GABRA5: variants seen among roughly 807,000 people sequenced by gnomAD.
GABRA5 encodes the protein gamma-aminobutyric acid type A receptor subunit alpha5.
GABRA5 carries 18 observed loss-of-function variants against 47.3 expected under a neutral mutation model. The ratio of observed to expected loss-of-function variants is 0.38; its 90% CI spans 0.26 to 0.56. The LOEUF is 0.56. GABRA5 is among the 20% of genes least tolerant of loss of function. GABRA5 has a pLI of 0.71. For missense variants in GABRA5, 365 were observed against 599.3 expected (o/e 0.61, Z 4.08); for synonymous variants, 237 against 229.3 (o/e 1.03, Z -0.30).
intron 6 of GABRA5, among the ~76,000 whole-genome samples, chr15:26,909,086 G>T (rs760270360): frequency 5.3e-5 from 8 of 152,178 alleles, no homozygotes; most frequent in Non-Finnish European, 8.8e-5. Context: ...AATGGGTCTT[G>T]TGTGTCTGAA....
Position 26,948,274 on chromosome 15 carries a change from C to T in GABRA5, c.*41C>T, listed in dbSNP as rs1015213930. ...AACTCCAAGACAGCCATACTTCCAGCGAAATGGTACCAAGGAGAGGTCTTG... is the reference window on the plus strand; with the variant it reads ...AACTCCAAGACAGCCATACTTCCAGTGAAATGGTACCAAGGAGAGGTCTTG... On this transcript the variant is annotated 3_prime_UTR_variant, in exon 11 of 11. Coordinates refer to ENST00000335625, the MANE Select transcript of GABRA5 (RefSeq NM_000810.4). 5.1e-6 allele frequency: 8 copies of T among 1,581,632 alleles called. No individual in the cohort carries two copies. Among genetic ancestry groups the T allele is most frequent in the Admixed American group, 3.5e-5 (2 of 56,852 alleles).
In GABRA5 at chr15:26,890,509, A is replaced by C. The variant is rs150665693; in HGVS notation, c.497+6952A>C. On this transcript the variant is annotated intron_variant, in intron 6 of 10. Transcript: ENST00000335625. ...TAACTTGAATTGAGCCTTGTTCCCA[A>C]GGTTGGAGACATGGAGCCTGCCTGG... is the stretch of plus-strand genomic sequence containing the variant. Among the ~76,000 whole-genome samples the C allele has an allele frequency of 5.5e-5, 8 of 146,412 alleles. No homozygotes were observed. In the Admixed American group the frequency reaches 5.5e-4, roughly 10 times the overall value.
chr15:26,913,182 CAAA>C (rs34449696), intron 6 of GABRA5, among the ~76,000 whole-genome samples: 39 of 115,376 alleles, frequency 3.4e-4, no homozygotes, highest in African/African-American at 8.8e-4. Flanking sequence ...GACTCTGTCT[CAAA>C]AAAAAAAAAA....
At chr15:26,894,327 G>C (rs575199940) in intron 6 of GABRA5, among the ~76,000 whole-genome samples, 1 of 152,258 alleles carries the variant, frequency 6.6e-6, no homozygotes, top group Non-Finnish European at 1.5e-5. Flanking sequence ...TGCGTCCAGG[G>C]GCCACCCCTT....
chr15:26,909,921 A>G (rs1371287756), intron 6 of GABRA5, among the ~76,000 whole-genome samples: 1 of 152,220 alleles, frequency 6.6e-6, no homozygotes, highest in Non-Finnish European at 1.5e-5. Context: ...GATTTCCACA[A>G]GAATAAGGAA....
At chr15:26,880,674 A>G (rs981544115) in intron 3 of GABRA5, 172 bp from the exon 4 acceptor site, 2 of 539,408 alleles carry the variant, frequency 3.7e-6, no homozygotes, top group Non-Finnish European at 6.4e-6. Flanking sequence ...TGGATGTTGG[A>G]GAACTGAGGT....
intron 6 of GABRA5, among the ~76,000 whole-genome samples, chr15:26,911,188 A>G (rs1316609170): frequency 7.0e-6 from 1 of 142,524 alleles, no homozygotes; most frequent in Non-Finnish European, 1.5e-5. Flanking sequence ...AAGGGGCTCT[A>G]TAAAATTGGG....
intron 3 of GABRA5, among the ~76,000 whole-genome samples, chr15:26,879,535 G>A (rs1284802678): frequency 6.6e-6 from 1 of 152,178 alleles, no homozygotes; most frequent in African/African-American, 2.4e-5. Context: ...AGAGCTTCAA[G>A]TATATGCATT....
At chr15:26,917,448 G>T (rs536559148) in intron 7 of GABRA5, among the ~76,000 whole-genome samples, 89 of 152,084 alleles carry the variant, frequency 5.9e-4, no homozygotes, top group African/African-American at 2.1e-3. Flanking sequence ...ATCTCTTAAT[G>T]TGTTGCTGAA....
In GABRA5 at chr15:26,883,610, G is replaced by C. The variant is rs573388684; in HGVS notation, c.497+53G>C. On this transcript the variant is annotated intron_variant, in intron 6 of 10. Transcript: ENST00000335625. This position sits in a 1 kb window ranked among gnomAD's most constrained non-coding sequence, Gnocchi z 4.8. ...CCGGGGGACGGTGCGGGGCAGGCGC[G>C]GCTGCCCATCCTGCCGCAAGAGCTG... 35 of 1,374,308 alleles carry C rather than the reference G, an allele frequency of 2.5e-5. No homozygotes were observed. In the Admixed American group the frequency reaches 4.0e-4, roughly 16 times the overall value. 85.1% of individuals were successfully genotyped at this position (1,374,308 alleles called of 1,614,324 possible).
intron 3 of GABRA5, chr15:26,880,629 G>C: frequency 2.3e-6 from 1 of 441,862 alleles, no homozygotes; most frequent in South Asian, 3.4e-5. Context: ...CCTCAGGTTA[G>C]GTGGTTGGAT....
intron 9 of GABRA5, among the ~76,000 whole-genome samples, chr15:26,942,458 A>G (rs1208699701): frequency 6.6e-6 from 1 of 152,212 alleles, no homozygotes; most frequent in African/African-American, 2.4e-5. Context: ...GGCTCTTACA[A>G]GTCTGCAGTC....
At chr15:26,905,877 C>T (rs1229368213) in intron 6 of GABRA5, among the ~76,000 whole-genome samples, 2 of 151,736 alleles carry the variant, frequency 1.3e-5, no homozygotes, top group East Asian at 3.9e-4. Context: ...TTTGTTGAGA[C>T]ATTGTTCTCC....
chr15:26,913,519 C>T (rs1012738028), intron 6 of GABRA5, among the ~76,000 whole-genome samples: 1 of 152,144 alleles, frequency 6.6e-6, no homozygotes, highest in African/African-American at 2.4e-5. Context: ...GATTCTCACC[C>T]TAGGCTAATC....
At chr15:26,921,110 T>C (rs530409498) in intron 7 of GABRA5, among the ~76,000 whole-genome samples, 15 of 152,290 alleles carry the variant, frequency 9.8e-5, no homozygotes, top group Admixed American at 7.2e-4. Context: ...ATAATATCTT[T>C]TGTTTTGGTG....
chr15:26,947,178 G>A (rs1313367699), intron 10 of GABRA5, among the ~76,000 whole-genome samples: 1 of 152,118 alleles, frequency 6.6e-6, no homozygotes, highest in African/African-American at 2.4e-5. Flanking sequence ...TCCTAATTCC[G>A]TTTATGGCAA....
intron 3 of GABRA5, among the ~76,000 whole-genome samples, chr15:26,876,334 G>T (rs1034629414): frequency 2.0e-5 from 3 of 152,152 alleles, no homozygotes; most frequent in Non-Finnish European, 4.4e-5. Context: ...GTTTGGATGA[G>T]ACAGTCGGAG....
intron 7 of GABRA5, among the ~76,000 whole-genome samples, chr15:26,934,025 G>A (rs561121855): frequency 6.6e-6 from 1 of 151,980 alleles, no homozygotes; most frequent in Non-Finnish European, 1.5e-5. Flanking sequence ...GGCTGAGGCG[G>A]GTGTATCGCT....
chr15:26,931,767 G>A (rs1022946340), intron 7 of GABRA5, among the ~76,000 whole-genome samples: 3 of 152,224 alleles, frequency 2.0e-5, no homozygotes, highest in Middle Eastern at 3.4e-3. Flanking sequence ...GAGGTATAAC[G>A]GAAAACAGAA....
Sources: allele counts gnomAD v4.1 joint callset (sites outside exome capture counted in the v4.1 genomes callset), GRCh38; gene constraint gnomAD v4.1.1; non-coding constraint Gnocchi (gnomAD v3.1); transcripts MANE v1.5; gene names NCBI Gene and HGNC (gene_info 2026-07-23, HGNC 2026-07-21).